The following TGM5 variants were observed in gnomAD, a reference collection of about 807,000 sequenced individuals.
TGM5 encodes the protein transglutaminase 5.
Under a neutral mutation model 77.2 loss-of-function variants are expected in TGM5, and 69 were observed. That is an observed-to-expected ratio of 0.89 (90% confidence interval 0.74 to 1.09). The LOEUF (loss-of-function observed/expected upper bound fraction) is 1.09. TGM5 is among the 50% of genes least tolerant of loss of function. The probability of loss-of-function intolerance (pLI) is 0.00; values close to 1 mark genes in which losing one functional copy is unlikely to be tolerated. For synonymous variants in TGM5, 346 were observed against 351.8 expected (o/e 0.98, Z 0.18); for missense variants, 842 against 896.5 (o/e 0.94, Z 0.78).
intron 6 of TGM5, among the ~76,000 whole-genome samples, chr15:43,249,450 C>G (rs2042690037): frequency 6.6e-6 from 1 of 152,228 alleles, no homozygotes; most frequent in African/African-American, 2.4e-5. Context: ...CAGCCCTAAG[C>G]AACCACGCTC....
chr15:43,266,796 CCTT>C (rs745467953), intron 1 of TGM5, 41 bp downstream of exon 1: 4 of 1,613,516 alleles, frequency 2.5e-6, no homozygotes, highest in Admixed American at 3.3e-5. Context: ...CTCTCTCTGT[CCTT>C]CTTATCCCTG....
Position 43,233,110 on chromosome 15 carries a change from G to T in TGM5, c.*81C>A. ...AGCCCTGTGAAGCCTCTGTTGTGGT[G>T]GGGAATGGCGCAGCTTGCATTTGAA... On this transcript the variant is annotated 3_prime_UTR_variant, in exon 13 of 13. Coordinates refer to ENST00000220420, the MANE Select transcript of TGM5 (RefSeq NM_201631.4). 6.4e-7 allele frequency: 1 copy of T among 1,557,996 alleles called. No homozygotes were observed.
At chr15:43,235,266 G>A (rs1040124624) in intron 10 of TGM5, among the ~76,000 whole-genome samples, 1 of 149,938 alleles carries the variant, frequency 6.7e-6, no homozygotes, top group Non-Finnish European at 1.5e-5. Context: ...GGAAGGAAGA[G>A]AGGGAGGGAG....
chr15:43,235,444 G>T (rs565891716), intron 10 of TGM5, 25 bp downstream of exon 10: 1 of 1,613,910 alleles, frequency 6.2e-7, no homozygotes, highest in South Asian at 1.1e-5. Context: ...CCAACTCTGC[G>T]TACACAAACT....
At chr15:43,241,225 G>A (rs980555978) in intron 6 of TGM5, 1 of 580,222 alleles carries the variant, frequency 1.7e-6, no homozygotes, top group Non-Finnish European at 3.1e-6. Context: ...AGCACTGCCT[G>A]AGCCAGTAAA....
chr15:43,265,956 C>A (rs996827062), intron 1 of TGM5, among the ~76,000 whole-genome samples: 1 of 152,034 alleles, frequency 6.6e-6, no homozygotes, highest in Non-Finnish European at 1.5e-5. Flanking sequence ...TATGATGATA[C>A]CATGGATATA....
intron 6 of TGM5, among the ~76,000 whole-genome samples, chr15:43,245,847 C>A (rs1345008759): frequency 6.7e-6 from 1 of 149,022 alleles, no homozygotes; most frequent in African/African-American, 2.5e-5. Flanking sequence ...AGCTGTGAGA[C>A]CTGCTCTGTG....
At chr15:43,251,687 C>T (rs1047589943) in intron 6 of TGM5, among the ~76,000 whole-genome samples, 28 of 152,152 alleles carry the variant, frequency 1.8e-4, no homozygotes, top group Admixed American at 5.9e-4. Context: ...GGTGAGGACC[C>T]GGAGCAAGTG....
intron 4 of TGM5, among the ~76,000 whole-genome samples, chr15:43,254,657 C>A (rs149099508): frequency 6.6e-6 from 1 of 152,236 alleles, no homozygotes; most frequent in South Asian, 2.1e-4. Context: ...CGCCCCCATC[C>A]CTACCATTTT....
At chr15:43,234,676 C>G in intron 11 of TGM5, 93 bp downstream of exon 11, 1 of 1,533,296 alleles carries the variant, frequency 6.5e-7, no homozygotes, top group Non-Finnish European at 9.0e-7. Flanking sequence ...GGATGCTCTC[C>G]TAAGCAGGCC....
At chr15:43,240,666 C>G (rs1019095063) in intron 7 of TGM5, among the ~76,000 whole-genome samples, 186 bp downstream of exon 7, 6 of 148,868 alleles carry the variant, frequency 4.0e-5, no homozygotes, top group Non-Finnish European at 8.9e-5. Flanking sequence ...TCAGATGTCT[C>G]CCAGCTGAAG....
At chr15:43,261,379 G>A (rs982720819) in intron 1 of TGM5, among the ~76,000 whole-genome samples, 3 of 151,990 alleles carry the variant, frequency 2.0e-5, no homozygotes, top group African/African-American at 4.8e-5. Context: ...GTGAGCCACC[G>A]TGCCCGGCTG....
chr15:43,262,557 C>T (rs868498832), intron 1 of TGM5, among the ~76,000 whole-genome samples: 11 of 152,054 alleles, frequency 7.2e-5, no homozygotes, highest in Admixed American at 3.3e-4. Context: ...GAGGCCGAGG[C>T]GGGTGGATCA....
chr15:43,266,782 C>T (rs1033657847), intron 1 of TGM5, 58 bp downstream of exon 1: 4 of 1,609,286 alleles, frequency 2.5e-6, no homozygotes, highest in Admixed American at 3.3e-5. Context: ...TGACTTCCTA[C>T]AGTCTCTCTC....
intron 8 of TGM5, 35 bp downstream of exon 8, chr15:43,239,128 G>A (rs1337427606): frequency 1.9e-6 from 3 of 1,614,090 alleles, no homozygotes; most frequent in South Asian, 2.2e-5. Context: ...GCTTTCCACG[G>A]GAGCGGGGCC....
In TGM5 at chr15:43,241,375, A is replaced by G. The variant is rs367892524; in HGVS notation, c.863-385T>C. The G allele has an allele frequency of 5.1e-5, 17 of 333,832 alleles. No homozygotes were observed. The East Asian group carries it at 5.8e-4, about 11-fold the overall frequency. 20.7% of individuals were successfully genotyped at this position (333,832 alleles called of 1,614,324 possible). A position where few individuals can be genotyped will look rare whatever the true frequency, so the allele number is the denominator to read the frequency against. ...ATCTTCAAGCCAAAGCTGGAATTCC[A>G]TTCCTTTCTGTAGTTAGGATTATTG... is the stretch of plus-strand genomic sequence containing the variant. On this transcript the variant is annotated intron_variant, in intron 6 of 12. Coordinates refer to ENST00000220420, the MANE Select transcript of TGM5 (RefSeq NM_201631.4).
intron 9 of TGM5, among the ~76,000 whole-genome samples, chr15:43,236,271 CT>C (rs1461227015): frequency 2.6e-5 from 4 of 152,136 alleles, no homozygotes; most frequent in African/African-American, 9.7e-5. Context: ...AGAAATAAAC[CT>C]CATAAAGACA....
At chr15:43,264,809 A>G (rs186461166) in intron 1 of TGM5, among the ~76,000 whole-genome samples, 2 of 152,332 alleles carry the variant, frequency 1.3e-5, no homozygotes, top group Admixed American at 1.3e-4. Flanking sequence ...ACAAATATGA[A>G]CCAAATTGAC....
Position 43,232,919 on chromosome 15 carries a change from C to T in TGM5, c.*272G>A. 2.2e-6 allele frequency: 1 copy of T among 457,842 alleles called. No individual in the cohort carries two copies. The highest frequency in any genetic ancestry group is 4.0e-6 in the Non-Finnish European group (1 of 249,860). 28.4% of individuals were successfully genotyped at this position (457,842 alleles called of 1,614,324 possible). On this transcript the variant is annotated 3_prime_UTR_variant, in exon 13 of 13. Coordinates refer to ENST00000220420, the MANE Select transcript of TGM5 (RefSeq NM_201631.4). Reference sequence around the variant, plus strand: ...TCTCTGGATGCTGGAGTCTCCTATTCATTCATTCAAAAAATATTTGTTGAG... The same window carrying T: ...TCTCTGGATGCTGGAGTCTCCTATTTATTCATTCAAAAAATATTTGTTGAG...
Sources: gnomAD v4.1 joint callset for allele counts (sites outside exome capture counted in the v4.1 genomes callset) on GRCh38, gnomAD v4.1.1 for gene constraint, MANE v1.5 for transcripts, NCBI Gene and HGNC (gene_info 2026-07-23, HGNC 2026-07-21) for gene names.